SKI: variants seen among roughly 807,000 people sequenced by gnomAD.
SKI encodes the protein ski oncogene.
Under a neutral mutation model 59.3 loss-of-function variants are expected in SKI, and 23 were observed. The ratio of observed to expected loss-of-function variants is 0.39; its 90% CI spans 0.28 to 0.55. The LOEUF is 0.55. Ranked by LOEUF, SKI falls within the 20% of genes least tolerant of loss-of-function variation. The pLI is 0.67. For synonymous variants in SKI, 673 were observed against 488.6 expected, an observed-to-expected ratio of 1.38 and a Z score of -4.98; for missense variants, 1,017 against 1,038.9, an observed-to-expected ratio of 0.98 and a Z score of 0.29.
At chr1:2,293,206 A>G (rs2645091) in intron 1 of SKI, among the ~76,000 whole-genome samples, 133,685 of 152,284 alleles carry the variant, frequency 0.88, 58,909 homozygotes, top group African/African-American at 0.95. Context: ...GGTTCTGGCC[A>G]CCACAGGGCT....
At chr1:2,278,590 G>A (rs1339061147) in intron 1 of SKI, among the ~76,000 whole-genome samples, 3 of 152,106 alleles carry the variant, frequency 2.0e-5, no homozygotes, top group Admixed American at 2.0e-4. Flanking sequence ...TGTGTGGTGA[G>A]GGCTTCCCCA....
intron 1 of SKI, among the ~76,000 whole-genome samples, chr1:2,261,133 G>T (rs1256606262): frequency 1.3e-5 from 2 of 152,180 alleles, no homozygotes; most frequent in Non-Finnish European, 2.9e-5. Context: ...GTATTCAGTT[G>T]ATCCACTTGT....
intron 1 of SKI, among the ~76,000 whole-genome samples, chr1:2,301,238 C>T (rs1640416752): frequency 6.6e-6 from 1 of 152,242 alleles, no homozygotes; most frequent in Non-Finnish European, 1.5e-5. Flanking sequence ...GCACAGCACC[C>T]TGCGGTCAGG....
chr1:2,298,202 C>T (rs1051302070), intron 1 of SKI, among the ~76,000 whole-genome samples: 35 of 152,312 alleles, frequency 2.3e-4, no homozygotes, highest in Middle Eastern at 3.4e-3. Context: ...GATACATGCG[C>T]GCCCTCGTGG....
intron 1 of SKI, among the ~76,000 whole-genome samples, chr1:2,294,388 C>G (rs1209025506): frequency 6.6e-6 from 1 of 152,266 alleles, no homozygotes; most frequent in Non-Finnish European, 1.5e-5. Flanking sequence ...CTCTCCTCAA[C>G]AAGCAAATGG....
chr1:2,275,193 C>A (rs1184111545), intron 1 of SKI, among the ~76,000 whole-genome samples: 1 of 152,222 alleles, frequency 6.6e-6, no homozygotes, highest in Non-Finnish European at 1.5e-5. Context: ...TTCGCGGGGT[C>A]CTGGTCTGAT....
chr1:2,271,355 A>G (rs573714576), intron 1 of SKI, among the ~76,000 whole-genome samples: 1 of 151,968 alleles, frequency 6.6e-6, no homozygotes, highest in South Asian at 2.1e-4. Context: ...GAAACCAGGC[A>G]GCCTCTCCCG....
intron 1 of SKI, among the ~76,000 whole-genome samples, chr1:2,275,283 C>T (rs904242022): frequency 2.6e-5 from 4 of 152,218 alleles, no homozygotes; most frequent in Admixed American, 6.5e-5. Context: ...GCCACGGCGG[C>T]TCCTTTCTGT....
intron 1 of SKI, among the ~76,000 whole-genome samples, chr1:2,271,683 C>T (rs375718052): frequency 1.3e-5 from 2 of 151,752 alleles, no homozygotes; most frequent in South Asian, 2.1e-4. Context: ...TCCCTGCGGG[C>T]CCGCCCCAGG....
At chr1:2,234,715 G>C (rs1638715858) in intron 1 of SKI, among the ~76,000 whole-genome samples, 1 of 152,218 alleles carries the variant, frequency 6.6e-6, no homozygotes, top group Non-Finnish European at 1.5e-5. Context: ...TCTAAGGATT[G>C]CGAAAGTTGA....
Position 2,229,971 on chromosome 1 carries a change from G to A in SKI, c.969+236G>A, listed in dbSNP as rs553239179. Reference sequence around the variant, plus strand: ...CGAGCCTGGAGTGCGGGCTGTGGCGGTGGGGTGGGGGGCCAGGCCTGGTGT... The same window carrying A: ...CGAGCCTGGAGTGCGGGCTGTGGCGATGGGGTGGGGGGCCAGGCCTGGTGT... On this transcript the variant is annotated intron_variant, in intron 1 of 6. Transcript: ENST00000378536. This position sits in a 1 kb window ranked among gnomAD's most constrained non-coding sequence, Gnocchi z 6.3. Among the ~76,000 whole-genome samples the A allele has an allele frequency of 1.3e-5, 2 of 152,310 alleles. No homozygotes were observed. Among genetic ancestry groups the A allele is most frequent in the South Asian group, 2.1e-4 (1 of 4,828 alleles).
intron 1 of SKI, among the ~76,000 whole-genome samples, chr1:2,293,442 C>G (rs1479701064): frequency 7.0e-6 from 1 of 142,482 alleles, no homozygotes; most frequent in Non-Finnish European, 1.5e-5. Flanking sequence ...CCCCCAACAT[C>G]TGGAAGGTTC....
intron 1 of SKI, among the ~76,000 whole-genome samples, chr1:2,249,266 T>C (rs780995187): frequency 6.6e-6 from 1 of 152,034 alleles, no homozygotes; most frequent in Non-Finnish European, 1.5e-5. Context: ...TTCGTGGAGG[T>C]GCTGGGGGAA....
intron 1 of SKI, among the ~76,000 whole-genome samples, chr1:2,285,190 T>G (rs993691696): frequency 6.6e-6 from 1 of 152,060 alleles, no homozygotes; most frequent in South Asian, 2.1e-4. Context: ...CTTTTTGACA[T>G]GCATTTGGAA....
At chr1:2,276,636 C>G (rs1283515449) in intron 1 of SKI, among the ~76,000 whole-genome samples, 1 of 152,240 alleles carries the variant, frequency 6.6e-6, no homozygotes, top group East Asian at 1.9e-4. Context: ...TGGCAGGGCT[C>G]ACTGTGTGGG....
intron 1 of SKI, among the ~76,000 whole-genome samples, chr1:2,298,450 C>T (rs1011805434): frequency 6.6e-6 from 1 of 152,212 alleles, no homozygotes; most frequent in African/African-American, 2.4e-5. Context: ...GCTGCCCATG[C>T]TCAGGATGGT....
At chr1:2,274,251 C>T (rs745707055) in intron 1 of SKI, among the ~76,000 whole-genome samples, 7 of 152,144 alleles carry the variant, frequency 4.6e-5, no homozygotes, top group Non-Finnish European at 8.8e-5. Flanking sequence ...TAAATAAAGA[C>T]ACAAACTTTT....
intron 1 of SKI, among the ~76,000 whole-genome samples, chr1:2,293,217 T>C (rs981922570): frequency 1.1e-4 from 17 of 152,092 alleles, no homozygotes; most frequent in Non-Finnish European, 2.1e-4. Flanking sequence ...CCACAGGGCT[T>C]TTGTTCTGTT....
At chr1:2,234,455 C>T (rs957333152) in intron 1 of SKI, among the ~76,000 whole-genome samples, 3 of 152,228 alleles carry the variant, frequency 2.0e-5, no homozygotes, top group African/African-American at 4.8e-5. Flanking sequence ...TGTGCAATGT[C>T]TGTCTGTCTG....
Sources: gnomAD v4.1 joint callset for allele counts (sites outside exome capture counted in the v4.1 genomes callset) on GRCh38, gnomAD v4.1.1 for gene constraint, Gnocchi (gnomAD v3.1) non-coding constraint, MANE v1.5 for transcripts, NCBI Gene and HGNC (gene_info 2026-07-23, HGNC 2026-07-21) for gene names.